Variants in NAV3 observed in about 807,000 individuals in gnomAD.
NAV3 encodes pore membrane and/or filament interacting like protein 1.
In NAV3, 87 loss-of-function variants were observed where a neutral mutation model predicts 244.7. The ratio of observed to expected loss-of-function variants is 0.36; its 90% CI spans 0.30 to 0.42. NAV3 has a LOEUF of 0.42. NAV3 is among the 20% of genes least tolerant of loss of function. NAV3 has a pLI of 1.00. For missense variants in NAV3, 2,663 were observed against 2,893.3 expected (o/e 0.92, Z 1.83); for synonymous variants, 1,126 against 1,042.2 (o/e 1.08, Z -1.55).
intron 8 of NAV3, among the ~76,000 whole-genome samples, chr12:78,016,698 G>A (rs1457875072): frequency 1.3e-5 from 2 of 152,134 alleles, no homozygotes; most frequent in East Asian, 3.9e-4. Flanking sequence ...ACTCAAATCA[G>A]TTCTACTTGT....
chr12:78,054,624 C>T (rs1475120683), intron 11 of NAV3, among the ~76,000 whole-genome samples: 2 of 152,010 alleles, frequency 1.3e-5, no homozygotes, highest in Non-Finnish European at 2.9e-5. Context: ...ATGGTAGTGG[C>T]ATTTGTAGGG....
intron 12 of NAV3, among the ~76,000 whole-genome samples, chr12:78,100,136 G>A (rs2138191868): frequency 6.6e-6 from 1 of 151,908 alleles, no homozygotes; most frequent in East Asian, 1.9e-4. Context: ...TAAAATCAGA[G>A]CATTAAGTGC....
chr12:77,961,694 T>A (rs1435114923), intron 3 of NAV3, among the ~76,000 whole-genome samples: 1 of 147,734 alleles, frequency 6.8e-6, no homozygotes, highest in Non-Finnish European at 1.5e-5. Context: ...TAATATATGT[T>A]ATATAATATA....
At chr12:77,919,537 C>G (rs942103158) in intron 1 of NAV3, among the ~76,000 whole-genome samples, 1 of 152,014 alleles carries the variant, frequency 6.6e-6, no homozygotes, top group African/African-American at 2.4e-5. Flanking sequence ...TGGTATTTAT[C>G]TACTTCTTAA....
At chr12:77,862,380 C>G (rs896852256) in intron 1 of NAV3, among the ~76,000 whole-genome samples, 2 of 151,670 alleles carry the variant, frequency 1.3e-5, no homozygotes, top group Non-Finnish European at 3.0e-5. Flanking sequence ...TTCTGCTTGT[C>G]AACAAGATGA....
intron 5 of NAV3, among the ~76,000 whole-genome samples, chr12:77,973,996 A>G (rs76927538): frequency 5.5e-4 from 84 of 152,104 alleles, no homozygotes; most frequent in African/African-American, 2.0e-3. Context: ...GTTATTCTTA[A>G]CTGACTGCAT....
intron 19 of NAV3, 65 bp downstream of exon 19, chr12:78,137,430 G>A: frequency 7.0e-7 from 1 of 1,421,080 alleles, no homozygotes; most frequent in Non-Finnish European, 9.4e-7. Context: ...AAACCATTGT[G>A]TCACTCACAT....
intron 1 of NAV3, among the ~76,000 whole-genome samples, chr12:77,837,781 A>G (rs1186375131): frequency 1.3e-5 from 2 of 152,216 alleles, no homozygotes; most frequent in Admixed American, 1.3e-4. Flanking sequence ...TGAATTGTAA[A>G]TCAATCAGTG....
chr12:77,584,459 CA>C (rs1158261623), intron 2 of NAV3, among the ~76,000 whole-genome samples: 1 of 151,962 alleles, frequency 6.6e-6, no homozygotes, highest in Middle Eastern at 3.4e-3. Context: ...AATCTTAAAG[CA>C]GAGTCTGTTT....
intron 12 of NAV3, among the ~76,000 whole-genome samples, chr12:78,066,743 G>A (rs368062248): frequency 7.8e-4 from 119 of 151,982 alleles, no homozygotes; most frequent in African/African-American, 2.6e-3. Context: ...AATTATTTTT[G>A]TATTGTACTA....
In NAV3 at chr12:78,007,256, A is replaced by C; in HGVS notation, c.1718A>C (p.Lys573Thr). Residue 573 changes from lysine (K) to threonine (T), a missense_variant, in exon 8 of 40, where the codon AAA becomes ACA. By Grantham distance (78) the Lys-to-Thr change is moderately conservative. Coordinates refer to ENST00000397909, the MANE Select transcript of NAV3 (RefSeq NM_001024383.2). The part of the protein sequence containing the change: ...QSLSKPITME[K>T]ASASSCPAPL... ...TTATCTAAGCCTATAACCATGGAGA[A>C]AGCAAGTGCTTCTAGTTGTCCTGCC... is the stretch of plus-strand genomic sequence containing the variant. 6.2e-7 allele frequency: 1 copy of C among 1,614,178 alleles called. No individual in the cohort carries two copies.
At chr12:78,094,270 T>A (rs138776199) in intron 12 of NAV3, among the ~76,000 whole-genome samples, 6 of 152,316 alleles carry the variant, frequency 3.9e-5, no homozygotes, top group Non-Finnish European at 7.4e-5. Flanking sequence ...GCTTGTGAAA[T>A]CTTGAGCCAG....
intron 1 of NAV3, among the ~76,000 whole-genome samples, chr12:77,889,770 A>T (rs1483058033): frequency 6.6e-6 from 1 of 152,234 alleles, no homozygotes; most frequent in African/African-American, 2.4e-5. Context: ...AGTACAATTT[A>T]TATGTATAGT....
At chr12:77,762,345 T>C (rs1342172988) in intron 2 of NAV3, among the ~76,000 whole-genome samples, 1 of 151,956 alleles carries the variant, frequency 6.6e-6, no homozygotes, top group African/African-American at 2.4e-5. Context: ...GGTGGATGGG[T>C]GCAGCAAACA....
At chr12:77,668,584 CAAAG>C (rs1873824245) in intron 2 of NAV3, among the ~76,000 whole-genome samples, 1 of 151,478 alleles carries the variant, frequency 6.6e-6, no homozygotes, top group African/African-American at 2.4e-5. Context: ...CCATCAAAGA[CAAAG>C]AAAAAAGAAT....
chr12:77,690,855 G>A (rs1038093217), intron 2 of NAV3, among the ~76,000 whole-genome samples: 2 of 22,536 alleles, frequency 8.9e-5, no homozygotes, highest in Admixed American at 4.3e-4. Flanking sequence ...ATAAAAAGGA[G>A]CACTTATTCA....
At chr12:77,935,740 A>G (rs1211521924) in intron 1 of NAV3, among the ~76,000 whole-genome samples, 1 of 152,206 alleles carries the variant, frequency 6.6e-6, no homozygotes. Flanking sequence ...ACAGTTCTGC[A>G]GGCTCCAAAG....
intron 2 of NAV3, among the ~76,000 whole-genome samples, chr12:77,788,378 A>G (rs776894993): frequency 9.2e-5 from 14 of 152,206 alleles, no homozygotes; most frequent in Non-Finnish European, 5.9e-5. Context: ...AAGTGTGGCC[A>G]GTAGATGCAA....
intron 2 of NAV3, among the ~76,000 whole-genome samples, chr12:77,614,490 G>A (rs548038987): frequency 6.6e-6 from 1 of 152,052 alleles, no homozygotes; most frequent in Non-Finnish European, 1.5e-5. Flanking sequence ...TTTATCACTA[G>A]TATGTAATAT....
Sources: gnomAD v4.1 joint callset for allele counts (sites outside exome capture counted in the v4.1 genomes callset) on GRCh38, gnomAD v4.1.1 for gene constraint, MANE v1.5 for transcripts, NCBI Gene and HGNC (gene_info 2026-07-23, HGNC 2026-07-21) for gene names.